MMP26: variants seen among roughly 807,000 people sequenced by gnomAD.
MMP26 encodes matrix metalloproteinase-26.
MMP26 carries 33 observed loss-of-function variants against 31.0 expected under a neutral mutation model. The observed-to-expected ratio is 1.06, with a 90% CI of 0.81 to 1.42. MMP26 has a LOEUF of 1.42. MMP26 is among the 40% of genes most tolerant of loss of function. MMP26 has a pLI of 0.00. For missense variants in MMP26, 347 were observed against 316.1 expected, an observed-to-expected ratio of 1.10 and a Z score of -0.74; for synonymous variants, 122 against 114.9, an observed-to-expected ratio of 1.06 and a Z score of -0.40.
intron 1 of MMP26, among the ~76,000 whole-genome samples, chr11:4,758,048 T>C (rs1031441794): frequency 2.6e-5 from 4 of 152,152 alleles, no homozygotes; most frequent in Admixed American, 6.5e-5. Flanking sequence ...ACAATACATG[T>C]ATACAAGTGT....
At chr11:4,987,271 T>C (rs573837279) in intron 2 of MMP26, among the ~76,000 whole-genome samples, 1 of 152,120 alleles carries the variant, frequency 6.6e-6, no homozygotes, top group South Asian at 2.1e-4. Context: ...AACATGTACA[T>C]CTATAGACGT....
At chr11:4,811,087 T>C (rs1849343644) in intron 2 of MMP26, among the ~76,000 whole-genome samples, 1 of 152,224 alleles carries the variant, frequency 6.6e-6, no homozygotes, top group South Asian at 2.1e-4. Context: ...TACCATTTTC[T>C]GTTGTAGAGA....
chr11:4,944,083 A>C (rs1419178777), intron 2 of MMP26: 1 of 450,952 alleles, frequency 2.2e-6, no homozygotes, highest in South Asian at 1.6e-5. Context: ...TTGTACTACA[A>C]CCCCAAACCC....
intron 1 of MMP26, among the ~76,000 whole-genome samples, chr11:4,719,859 T>G (rs1441610267): frequency 6.6e-6 from 1 of 152,192 alleles, no homozygotes; most frequent in East Asian, 1.9e-4. Context: ...GCGGTATTAT[T>G]TTGTTTTAAA....
At chr11:4,708,277 C>T (rs76013873) in intron 1 of MMP26, among the ~76,000 whole-genome samples, 3,816 of 152,278 alleles carry the variant, frequency 0.025, 195 homozygotes, top group East Asian at 0.24. Context: ...CACTATCTTT[C>T]TTTGCGTGTG....
At chr11:4,943,787 C>A in intron 2 of MMP26, 1 of 414,572 alleles carries the variant, frequency 2.4e-6, no homozygotes, top group Non-Finnish European at 4.8e-6. Flanking sequence ...TTATGCTGAC[C>A]ATAAATCTTC....
chr11:4,807,907 T>C (rs994990784), intron 2 of MMP26, among the ~76,000 whole-genome samples: 2 of 152,048 alleles, frequency 1.3e-5, no homozygotes, highest in African/African-American at 4.8e-5. Context: ...TGGGTTTAGG[T>C]GATCCTCCCA....
intron 1 of MMP26, among the ~76,000 whole-genome samples, chr11:4,727,062 A>G (rs939309434): frequency 3.9e-5 from 6 of 152,120 alleles, no homozygotes; most frequent in Non-Finnish European, 5.9e-5. Flanking sequence ...AACAAGTAAG[A>G]CTTTCTATTT....
At chr11:4,837,873 G>A (rs1189379912) in intron 2 of MMP26, among the ~76,000 whole-genome samples, 1 of 151,834 alleles carries the variant, frequency 6.6e-6, no homozygotes, top group Non-Finnish European at 1.5e-5. Context: ...AGGCAGCCAT[G>A]TGTTTAAAGT....
chr11:4,986,514 T>G, intron 2 of MMP26, among the ~76,000 whole-genome samples: 1 of 16,634 alleles, frequency 6.0e-5, no homozygotes, highest in South Asian at 4.4e-3. Context: ...CCAGTCGATT[T>G]TTTTTTTTTT....
chr11:4,726,521 C>T (rs56725756), intron 1 of MMP26, among the ~76,000 whole-genome samples: 4 of 151,750 alleles, frequency 2.6e-5, no homozygotes, highest in Admixed American at 2.6e-4. Flanking sequence ...ACCTTGACAG[C>T]ATTAAAATAA....
intron 1 of MMP26, among the ~76,000 whole-genome samples, chr11:4,735,141 T>G (rs74980859): frequency 0.013 from 2,025 of 152,282 alleles, 41 homozygotes; most frequent in African/African-American, 0.046. Flanking sequence ...CTATCAGCTA[T>G]CAGTATGCCT....
In MMP26 at chr11:4,909,959, A is replaced by AT. The variant is rs915119646; in HGVS notation, c.-144-78101dup. On this transcript the variant is annotated intron_variant, in intron 2 of 7. Transcript: ENST00000380390. ...ATATCCAAACCTCGGTTTTTGGTGT[A>AT]TTTTTTTTGGTCAGAAAAACTGCAT... is the stretch of plus-strand genomic sequence containing the variant. 2.0e-4 allele frequency among the ~76,000 whole-genome samples: 31 copies of AT among 151,826 alleles called. No homozygotes were observed. In the Middle Eastern group the frequency reaches 0.014, roughly 67 times the overall value.
intron 1 of MMP26, among the ~76,000 whole-genome samples, chr11:4,717,067 CT>C (rs1847943414): frequency 6.6e-6 from 1 of 152,132 alleles, no homozygotes. Flanking sequence ...CTTAGAATTT[CT>C]TTCATGATGA....
In MMP26 at chr11:4,746,336, G is replaced by T. The variant is rs560990130; in HGVS notation, c.-216-20934G>T. Among the ~76,000 whole-genome samples the T allele has an allele frequency of 5.9e-5, 9 of 152,244 alleles. No individual in the cohort carries two copies. In the East Asian group the frequency reaches 1.7e-3, roughly 29 times the overall value. On this transcript the variant is annotated intron_variant, in intron 1 of 7. Transcript: ENST00000380390. ...TTGTAATAGGAATTATCCAATAGTT[G>T]TGTTCTTTATTGAGATTTCTTGAAA...
In MMP26 at chr11:4,921,876, G is replaced by A. The variant is rs945564174; in HGVS notation, c.-144-66192G>A. On this transcript the variant is annotated intron_variant, in intron 2 of 7. Transcript: ENST00000380390. ...TAAAAAATTTGTATAATTTTAAAGG[G>A]TACAAGTGCAGTGTTGTTACATAGA... Among the ~76,000 whole-genome samples, 12 of 152,198 alleles carry A rather than the reference G, an allele frequency of 7.9e-5. 1 individual carries two copies. The South Asian group carries it at 1.7e-3, about 21-fold the overall frequency.
intron 2 of MMP26, chr11:4,804,166 G>A: frequency 6.2e-7 from 1 of 1,614,200 alleles, no homozygotes. Context: ...GACCAGGTCA[G>A]TGATGGCCAG....
At chr11:4,778,208 C>T (rs1260520156) in intron 2 of MMP26, among the ~76,000 whole-genome samples, 3 of 152,020 alleles carry the variant, frequency 2.0e-5, no homozygotes, top group Non-Finnish European at 4.4e-5. Flanking sequence ...TTCTTTATGA[C>T]TAATAGGGTG....
intron 2 of MMP26, among the ~76,000 whole-genome samples, chr11:4,827,116 C>T (rs1055207195): frequency 1.3e-5 from 2 of 152,102 alleles, no homozygotes; most frequent in African/African-American, 4.8e-5. Context: ...GAAAAGCCAG[C>T]CAATGACTAA....
Sources: allele counts gnomAD v4.1 joint callset (sites outside exome capture counted in the v4.1 genomes callset), GRCh38; gene constraint gnomAD v4.1.1; transcripts MANE v1.5; gene names NCBI Gene and HGNC (gene_info 2026-07-23, HGNC 2026-07-21).